ARHGEF10: variants seen among roughly 807,000 people sequenced by gnomAD.
The protein encoded by ARHGEF10 is Rho guanine nucleotide exchange factor 10, also known as Rho guanine nucleotide exchange factor (GEF) 10.
Under a neutral mutation model 147.4 loss-of-function variants are expected in ARHGEF10, and 140 were observed. That is an observed-to-expected ratio of 0.95 (90% CI 0.83 to 1.09). ARHGEF10 has a LOEUF of 1.09. ARHGEF10 is among the 50% of genes least tolerant of loss of function. The probability of loss-of-function intolerance (pLI) is 0.00; values close to 1 mark genes in which losing one functional copy is unlikely to be tolerated. For missense variants in ARHGEF10, 2,222 were observed against 1,752.7 expected (o/e 1.27, Z -4.78); for synonymous variants, 902 against 695.8 (o/e 1.30, Z -4.67).
chr8:1,933,688 C>A, intron 25 of ARHGEF10, 112 bp from the exon 26 acceptor site: 1 of 1,354,788 alleles, frequency 7.4e-7, no homozygotes, highest in Non-Finnish European at 1.1e-6. Flanking sequence ...CAAGCATTAA[C>A]ATTACAGGTG....
Position 1,945,796 on chromosome 8 carries a change from A to G in ARHGEF10, c.3397+141A>G, listed in dbSNP as rs73546708. 118,703 of 1,277,854 alleles carry G rather than the reference A, an allele frequency of 0.093. 6,189 individuals carry two copies. Among genetic ancestry groups the G allele is most frequent in the African/African-American group, 0.17 (11,462 of 68,214 alleles). 79.2% of individuals were successfully genotyped at this position (1,277,854 alleles called of 1,614,324 possible). ...TGCTGCCAGGTAATGGGGTGGGACAAGGCCCAGGGACAGACGTGGGAGTAC... is the reference window on the plus strand; with the variant it reads ...TGCTGCCAGGTAATGGGGTGGGACAGGGCCCAGGGACAGACGTGGGAGTAC... On this transcript the variant is annotated intron_variant, in intron 27 of 28. Transcript: ENST00000349830.
At chr8:1,950,089 C>A (rs1814907047) in intron 27 of ARHGEF10, among the ~76,000 whole-genome samples, 1 of 152,186 alleles carries the variant, frequency 6.6e-6, no homozygotes, top group Non-Finnish European at 1.5e-5. Context: ...CAAGTGCAGT[C>A]AGTCCCACTT....
intron 18 of ARHGEF10, among the ~76,000 whole-genome samples, chr8:1,919,456 CCATGGGTGATGGAGCTGT>C (rs1812042186): frequency 7.0e-6 from 1 of 142,362 alleles, no homozygotes; most frequent in African/African-American, 2.7e-5. Flanking sequence ...TGGAGCTGTT[CCATGGGTGATGGAGCTGT>C]TCTGTCCAGT....
chr8:1,924,345 T>C (rs1246520579), intron 21 of ARHGEF10, among the ~76,000 whole-genome samples: 2 of 152,216 alleles, frequency 1.3e-5, no homozygotes, highest in African/African-American at 4.8e-5. Context: ...TTACTGTAGA[T>C]GGATGTGACT....
At chr8:1,926,055 C>A (rs560799452) in intron 22 of ARHGEF10, among the ~76,000 whole-genome samples, 1 of 152,166 alleles carries the variant, frequency 6.6e-6, no homozygotes, top group Non-Finnish European at 1.5e-5. Context: ...GAGGCACAGG[C>A]CATCACAGGC....
At chr8:1,920,783 T>G (rs1381570711) in intron 18 of ARHGEF10, among the ~76,000 whole-genome samples, 2 of 151,426 alleles carry the variant, frequency 1.3e-5, no homozygotes, top group Non-Finnish European at 2.9e-5. Flanking sequence ...GCTCTTTCGT[T>G]TTTTTTTGTT....
intron 2 of ARHGEF10, among the ~76,000 whole-genome samples, 156 bp from the exon 3 acceptor site, chr8:1,857,804 C>G (rs1211502383): frequency 2.0e-5 from 3 of 152,030 alleles, no homozygotes; most frequent in African/African-American, 7.2e-5. Flanking sequence ...TATTTTGCCC[C>G]TTAAAAAGGT....
Position 1,923,485 on chromosome 8 carries a change from A to G in ARHGEF10, c.2277A>G (p.Val759=), listed in dbSNP as rs751148376. 3.1e-6 allele frequency: 5 copies of G among 1,614,136 alleles called. No homozygotes were observed. Among genetic ancestry groups the G allele is most frequent in the Admixed American group, 1.7e-5 (1 of 60,026 alleles). The change falls in exon 20 of 29, where the codon GTA becomes GTG. Residue 759 remains valine (V), a synonymous_variant. Transcript: ENST00000349830. ...CTTTGTAGAACTTAAACCAGTCAGTAGCCCATGACTGGACATCAGGTTTAC... is the reference window on the plus strand; with the variant it reads ...CTTTGTAGAACTTAAACCAGTCAGTGGCCCATGACTGGACATCAGGTTTAC... ...KGNYQNLNQS[V]AHDWTSGLQR...
At chr8:1,838,019 G>A (rs936818937) in intron 1 of ARHGEF10, among the ~76,000 whole-genome samples, 6 of 152,128 alleles carry the variant, frequency 3.9e-5, no homozygotes, top group Non-Finnish European at 7.4e-5. Flanking sequence ...TTTATTCATT[G>A]TCTCCTCCAT....
chr8:1,901,088 G>T (rs1271774594), intron 15 of ARHGEF10, among the ~76,000 whole-genome samples: 1 of 152,154 alleles, frequency 6.6e-6, no homozygotes, highest in Non-Finnish European at 1.5e-5. Flanking sequence ...AAACAAGGTG[G>T]TGTCTGTGTC....
At chr8:1,872,142 TAAG>T (rs1411252582) in intron 7 of ARHGEF10, among the ~76,000 whole-genome samples, 3 of 152,110 alleles carry the variant, frequency 2.0e-5, no homozygotes, top group Non-Finnish European at 4.4e-5. Flanking sequence ...GTAAAAATCA[TAAG>T]AGGATGCTAT....
intron 1 of ARHGEF10, among the ~76,000 whole-genome samples, chr8:1,833,945 A>G (rs1056356484): frequency 1.4e-4 from 21 of 152,102 alleles, no homozygotes; most frequent in African/African-American, 3.6e-4. Context: ...GAGCCCCCCA[A>G]TGACCACTCC....
intron 25 of ARHGEF10, among the ~76,000 whole-genome samples, chr8:1,933,178 C>T (rs1813288769): frequency 6.6e-6 from 1 of 152,134 alleles, no homozygotes; most frequent in Non-Finnish European, 1.5e-5. Flanking sequence ...GTAAGGAATT[C>T]CTTTTACCTC....
At chr8:1,852,893 C>T (rs1805252460) in intron 2 of ARHGEF10, among the ~76,000 whole-genome samples, 1 of 152,160 alleles carries the variant, frequency 6.6e-6, no homozygotes. Context: ...TTAGGGGTGT[C>T]GTGTCAAGCT....
chr8:1,834,074 G>C (rs926455102), intron 1 of ARHGEF10, among the ~76,000 whole-genome samples: 1 of 152,214 alleles, frequency 6.6e-6, no homozygotes, highest in Admixed American at 6.5e-5. Flanking sequence ...GCACGCAGCT[G>C]TCTGGACACC....
chr8:1,937,093 G>C lies in ARHGEF10; in HGVS notation c.3222+3151G>C, dbSNP rs1041777119. 2.6e-5 allele frequency among the ~76,000 whole-genome samples: 4 copies of C among 152,204 alleles called. No individual in the cohort carries two copies. The highest frequency in any genetic ancestry group is 5.9e-5 in the Non-Finnish European group (4 of 68,036). On this transcript the variant is annotated intron_variant, in intron 26 of 28. Transcript: ENST00000349830. This position sits in a 1 kb window ranked among gnomAD's most constrained non-coding sequence, Gnocchi z 4.9. ...GCCTCCCCGACGTCCTTCGAGACCT[G>C]GTCTGCTAGACAGGAACAGAAAATA...
intron 3 of ARHGEF10, among the ~76,000 whole-genome samples, chr8:1,859,492 C>G (rs1805909626): frequency 6.6e-6 from 1 of 151,742 alleles, no homozygotes; most frequent in Non-Finnish European, 1.5e-5. Flanking sequence ...GTTGTTTGCA[C>G]AGTGTTTCTT....
In ARHGEF10 at chr8:1,903,194, T is replaced by C. The variant is rs78098397; in HGVS notation, c.1651-87T>C. The C allele has an allele frequency of 1.1e-3, 1,653 of 1,525,850 alleles. 10 individuals are homozygous for C. The African/African-American group carries it at 0.02, about 18-fold the overall frequency. The allele number at this position is 1,525,850 out of a possible 1,614,324, so 94.5% of individuals were successfully genotyped here. On this transcript the variant is annotated intron_variant, in intron 15 of 28. Coordinates refer to ENST00000349830, the MANE Select transcript of ARHGEF10 (RefSeq NM_014629.4). Reference sequence around the variant, plus strand: ...GGATGGCAGATGCCACTGCCTCCTTTCCATTGTCAGCTGGCGGGTGACGCG... The same window carrying C: ...GGATGGCAGATGCCACTGCCTCCTTCCCATTGTCAGCTGGCGGGTGACGCG...
intron 16 of ARHGEF10, among the ~76,000 whole-genome samples, chr8:1,905,142 A>C (rs1472741182): frequency 6.6e-6 from 1 of 152,142 alleles, no homozygotes; most frequent in Non-Finnish European, 1.5e-5. Context: ...ACAAACAAAC[A>C]AAAAAGGTAG....
Sources: gnomAD v4.1 joint callset for allele counts (sites outside exome capture counted in the v4.1 genomes callset) on GRCh38, gnomAD v4.1.1 for gene constraint, Gnocchi (gnomAD v3.1) non-coding constraint, MANE v1.5 for transcripts, NCBI Gene and HGNC (gene_info 2026-07-23, HGNC 2026-07-21) for gene names.